The following MCUB variants were observed in gnomAD, a reference collection of about 807,000 sequenced individuals.
The protein encoded by MCUB is mitochondrial calcium uniporter dominant negative subunit beta.
MCUB carries 46 observed loss-of-function variants against 41.4 expected under a neutral mutation model. The ratio of observed to expected loss-of-function variants is 1.11; its 90% CI spans 0.88 to 1.42. The LOEUF (loss-of-function observed/expected upper bound fraction) is 1.42, where lower values mean the gene tolerates loss of function less well. Ranked by LOEUF, MCUB falls within the 40% of genes most tolerant of loss-of-function variation. MCUB has a pLI of 0.00. For missense variants in MCUB, 403 were observed against 404.9 expected (o/e 1.00, Z 0.04); for synonymous variants, 148 against 148.2 (o/e 1.00, Z 0.01).
At chr4:109,670,366 A>G (rs1729428394) in intron 4 of MCUB, among the ~76,000 whole-genome samples, 1 of 151,922 alleles carries the variant, frequency 6.6e-6, no homozygotes, top group African/African-American at 2.4e-5. Flanking sequence ...CTCTAATGAA[A>G]TCCCAATCGG....
chr4:109,573,975 C>CAA (rs141486164), intron 1 of MCUB, among the ~76,000 whole-genome samples: 2,415 of 148,266 alleles, frequency 0.016, 70 homozygotes, highest in African/African-American at 0.057. Flanking sequence ...CAGGTTCAAG[C>CAA]TATTCTCCTG....
At chr4:109,619,049 T>TACCTACC (rs1341713359) in intron 1 of MCUB, among the ~76,000 whole-genome samples, 1 of 148,374 alleles carries the variant, frequency 6.7e-6, no homozygotes, top group African/African-American at 2.5e-5. Context: ...CCTACCTACC[T>TACCTACC]ACCTACCTAC....
intron 1 of MCUB, among the ~76,000 whole-genome samples, chr4:109,614,916 A>G (rs866724962): frequency 6.6e-6 from 1 of 152,172 alleles, no homozygotes; most frequent in African/African-American, 2.4e-5. Context: ...GATACACAGC[A>G]CAGAAAGCTT....
intron 1 of MCUB, among the ~76,000 whole-genome samples, chr4:109,656,354 CTTTTTTTTTTTTTTTTTTTTTTTTTTTT>C (rs752851425): frequency 1.6e-5 from 1 of 62,096 alleles, no homozygotes. Flanking sequence ...TTACTCTCTA[CTTTTTTTTTTTTTTTTTTTTTTTTTTTT>C]TTTTTTTTTT....
chr4:109,562,057 G>GTTT (rs903765259), intron 1 of MCUB, among the ~76,000 whole-genome samples: 2 of 152,080 alleles, frequency 1.3e-5, no homozygotes, highest in Non-Finnish European at 2.9e-5. Context: ...AGCCCCAAGT[G>GTTT]TTTTCTATTA....
At chr4:109,603,339 T>G (rs1727789668) in intron 1 of MCUB, among the ~76,000 whole-genome samples, 1 of 152,214 alleles carries the variant, frequency 6.6e-6, no homozygotes, top group African/African-American at 2.4e-5. Flanking sequence ...TTGAGTGATC[T>G]GCCTGCCTCG....
chr4:109,627,161 A>G (rs1026912267), intron 1 of MCUB, among the ~76,000 whole-genome samples: 5 of 152,090 alleles, frequency 3.3e-5, no homozygotes, highest in Admixed American at 1.3e-4. Context: ...GTTTTTTAAT[A>G]TTTTCAGAAA....
intron 1 of MCUB, among the ~76,000 whole-genome samples, chr4:109,644,108 T>A (rs1728780255): frequency 1.3e-5 from 2 of 152,080 alleles, no homozygotes; most frequent in South Asian, 4.1e-4. Context: ...GGGGCAAAGA[T>A]AAAAAAATTG....
chr4:109,617,684 A>T (rs1027960084), intron 1 of MCUB, among the ~76,000 whole-genome samples: 1 of 152,254 alleles, frequency 6.6e-6, no homozygotes, highest in Non-Finnish European at 1.5e-5. Flanking sequence ...TTACAGATTC[A>T]TAATTAACCT....
intron 1 of MCUB, among the ~76,000 whole-genome samples, chr4:109,597,624 C>T (rs554235279): frequency 1.4e-4 from 20 of 141,462 alleles, no homozygotes; most frequent in Middle Eastern, 4.4e-3. Context: ...GGGCAGCTGG[C>T]CGGGCGGGGG....
chr4:109,660,203 G>T lies in MCUB; in HGVS notation c.184G>T (p.Val62Phe). The T allele has an allele frequency of 1.3e-6, 2 of 1,504,154 alleles. No individual in the cohort carries two copies. Among genetic ancestry groups the T allele is most frequent in the South Asian group, 1.3e-5 (1 of 78,914 alleles). The allele number at this position is 1,504,154 out of a possible 1,614,324, so 93.2% of individuals were successfully genotyped here. Reference sequence around the variant, plus strand: ...CTTTTTTTCCTTAACAGAAATAACAGTTATTTATAGACATGGCCTTCCCTT... The same window carrying T: ...CTTTTTTTCCTTAACAGAAATAACATTTATTTATAGACATGGCCTTCCCTT... The part of the protein sequence containing the change: ...STVVPPDEIT[V>F]IYRHGLPLVT... Residue 62 changes from valine to phenylalanine, a missense_variant, in exon 3 of 8, where the codon GTT becomes TTT. Transcript: ENST00000394650.
At chr4:109,593,784 G>T (rs1203449182) in intron 1 of MCUB, among the ~76,000 whole-genome samples, 1 of 152,054 alleles carries the variant, frequency 6.6e-6, no homozygotes, top group Admixed American at 6.5e-5. Context: ...CAGCTATTTT[G>T]ATTTTTACTT....
intron 1 of MCUB, among the ~76,000 whole-genome samples, chr4:109,638,221 G>A (rs1357024073): frequency 6.6e-6 from 1 of 152,116 alleles, no homozygotes; most frequent in East Asian, 1.9e-4. Context: ...GCTGGACATG[G>A]TGGCGCATGC....
intron 1 of MCUB, among the ~76,000 whole-genome samples, chr4:109,654,963 G>C (rs896749500): frequency 6.6e-6 from 1 of 152,052 alleles, no homozygotes; most frequent in Non-Finnish European, 1.5e-5. Flanking sequence ...CAAGTTAATA[G>C]CTTAGTGCCA....
rs151077399 is a variant in MCUB, at chr4:109,624,462, T to G, written c.100-34549T>G. On this transcript the variant is annotated intron_variant, in intron 1 of 7. Transcript: ENST00000394650. ...CATGAATGGCATTTGGAAAAAAGTT[T>G]TGAAGACATGTGAACACATTCAAAG... Among the ~76,000 whole-genome samples the G allele has an allele frequency of 9.4e-4, 143 of 152,356 alleles. 1 individual carries two copies. The highest frequency in any genetic ancestry group is 3.2e-3 in the African/African-American group (133 of 41,590).
At chr4:109,630,953 A>T (rs1728463103) in intron 1 of MCUB, among the ~76,000 whole-genome samples, 1 of 152,198 alleles carries the variant, frequency 6.6e-6, no homozygotes, top group Admixed American at 6.5e-5. Flanking sequence ...AAGCTGACTC[A>T]TTATTTGAAG....
At chr4:109,641,894 A>G (rs1728723473) in intron 1 of MCUB, among the ~76,000 whole-genome samples, 1 of 152,220 alleles carries the variant, frequency 6.6e-6, no homozygotes, top group Non-Finnish European at 1.5e-5. Flanking sequence ...CCAGTTTGGA[A>G]TTACTACCTT....
In MCUB at chr4:109,647,828, A is replaced by G. The variant is rs547727151; in HGVS notation, c.100-11183A>G. On this transcript the variant is annotated intron_variant, in intron 1 of 7. Coordinates refer to ENST00000394650, the MANE Select transcript of MCUB (RefSeq NM_017918.5). Reference sequence around the variant, plus strand: ...CACCACCTTATGGTAAAAGGGATGTAGAACTGCACCTGGCCCACATAATTG... The same window carrying G: ...CACCACCTTATGGTAAAAGGGATGTGGAACTGCACCTGGCCCACATAATTG... Among the ~76,000 whole-genome samples, 187 of 152,298 alleles carry G rather than the reference A, an allele frequency of 1.2e-3. 2 individuals are homozygous for G. The Middle Eastern group carries it at 0.014, about 11-fold the overall frequency.
intron 1 of MCUB, among the ~76,000 whole-genome samples, chr4:109,624,510 G>A (rs555472757): frequency 6.6e-6 from 1 of 152,314 alleles, no homozygotes; most frequent in African/African-American, 2.4e-5. Context: ...TTCTGCTGTT[G>A]ATGAAACAGT....
Sources: gnomAD v4.1 joint callset for allele counts (sites outside exome capture counted in the v4.1 genomes callset) on GRCh38, gnomAD v4.1.1 for gene constraint, MANE v1.5 for transcripts, NCBI Gene and HGNC (gene_info 2026-07-23, HGNC 2026-07-21) for gene names.